The following DNM3 variants were observed in gnomAD, a reference collection of about 807,000 sequenced individuals.
DNM3 encodes the protein dynamin-3.
In DNM3, 47 loss-of-function variants were observed where a neutral mutation model predicts 101.6. That is an observed-to-expected ratio of 0.46 (90% CI 0.37 to 0.59). The LOEUF is 0.59. Among genes scored for constraint, DNM3 ranks in the 20% least tolerant of loss-of-function variants. The pLI is 0.00. For missense variants in DNM3, 849 were observed against 1,085.7 expected, an observed-to-expected ratio of 0.78 and a Z score of 3.06; for synonymous variants, 385 against 387.9, an observed-to-expected ratio of 0.99 and a Z score of 0.09.
At chr1:172,065,039 C>T (rs1163734202) in intron 10 of DNM3, among the ~76,000 whole-genome samples, 1 of 152,170 alleles carries the variant, frequency 6.6e-6, no homozygotes, top group Non-Finnish European at 1.5e-5. Context: ...CACGTGCACA[C>T]AAATCAATGC....
chr1:172,292,279 G>C (rs1208833206), intron 15 of DNM3, among the ~76,000 whole-genome samples: 2 of 152,156 alleles, frequency 1.3e-5, no homozygotes, highest in Non-Finnish European at 1.5e-5. Flanking sequence ...CAGAAAGGTT[G>C]CCTCAGGCAG....
intron 1 of DNM3, among the ~76,000 whole-genome samples, chr1:171,860,983 G>C (rs955504717): frequency 6.6e-6 from 1 of 152,074 alleles, no homozygotes; most frequent in Non-Finnish European, 1.5e-5. Flanking sequence ...AGAGCCTGGG[G>C]CACAGAGGAG....
chr1:171,968,378 A>G (rs537447244), intron 2 of DNM3, among the ~76,000 whole-genome samples: 2 of 152,328 alleles, frequency 1.3e-5, no homozygotes, highest in South Asian at 4.1e-4. Context: ...ATTTTACAAA[A>G]TAGAATGAGT....
chr1:172,411,518 T>C lies in DNM3; in HGVS notation c.*3677T>C, dbSNP rs1244340544. The stretch of plus-strand genomic sequence containing the variant: ...AAAGCCAAGTTGATATACATAGTCA[T>C]TTTTCCTCTATGGTAGAAGTAAAAA... On this transcript the variant is annotated 3_prime_UTR_variant, in exon 21 of 21. Transcript: ENST00000627582. 7.1e-6 allele frequency: 7 copies of C among 983,492 alleles called. No individual in the cohort carries two copies. Among genetic ancestry groups the C allele is most frequent in the South Asian group, 4.7e-5 (1 of 21,170 alleles). The allele number at this position is 983,492 out of a possible 1,614,324, so 60.9% of individuals were successfully genotyped here. A position where few individuals can be genotyped will look rare whatever the true frequency, so the allele number is the denominator to read the frequency against.
chr1:172,329,707 A>T (rs2066100804), intron 17 of DNM3, among the ~76,000 whole-genome samples: 1 of 152,186 alleles, frequency 6.6e-6, no homozygotes, highest in Admixed American at 6.5e-5. Flanking sequence ...ATGACAAAGG[A>T]TTAAATATTC....
chr1:172,262,167 T>C (rs1208168259), intron 15 of DNM3, among the ~76,000 whole-genome samples: 1 of 152,122 alleles, frequency 6.6e-6, no homozygotes, highest in Non-Finnish European at 1.5e-5. Flanking sequence ...GCTGGGAACA[T>C]GGGCTTCATT....
intron 15 of DNM3, among the ~76,000 whole-genome samples, chr1:172,285,434 G>A (rs2148800015): frequency 6.6e-6 from 1 of 152,224 alleles, no homozygotes; most frequent in Admixed American, 6.5e-5. Context: ...CTGAATGAAG[G>A]TGGCGGTGGT....
At chr1:172,274,844 C>G (rs2063220763) in intron 15 of DNM3, among the ~76,000 whole-genome samples, 1 of 151,476 alleles carries the variant, frequency 6.6e-6, no homozygotes, top group Admixed American at 6.6e-5. Flanking sequence ...AGCACTCAAA[C>G]TGGTCTAAAC....
chr1:172,265,079 T>G (rs959362268), intron 15 of DNM3, among the ~76,000 whole-genome samples: 31 of 152,196 alleles, frequency 2.0e-4, no homozygotes, highest in African/African-American at 6.5e-4. Context: ...AACTGACCAT[T>G]GCTCCTGCTA....
chr1:172,158,590 G>A (rs1484708380), intron 14 of DNM3, among the ~76,000 whole-genome samples: 1 of 151,880 alleles, frequency 6.6e-6, no homozygotes, highest in Non-Finnish European at 1.5e-5. Flanking sequence ...CTAGGCAGAG[G>A]ACTTTTGGTT....
At chr1:172,213,703 G>T (rs1297377169) in intron 14 of DNM3, among the ~76,000 whole-genome samples, 1 of 151,340 alleles carries the variant, frequency 6.6e-6, no homozygotes, top group Non-Finnish European at 1.5e-5. Context: ...GTGGCAGGTG[G>T]CTGTAATCCC....
chr1:172,109,972 C>T (rs2055341063), intron 13 of DNM3, among the ~76,000 whole-genome samples: 1 of 152,208 alleles, frequency 6.6e-6, no homozygotes, highest in African/African-American at 2.4e-5. Flanking sequence ...AAATTACAAA[C>T]AAGTCAAACA....
At chr1:172,236,612 A>G (rs2061555132) in intron 14 of DNM3, among the ~76,000 whole-genome samples, 2 of 151,934 alleles carry the variant, frequency 1.3e-5, no homozygotes, top group Non-Finnish European at 2.9e-5. Context: ...GAGGAAAAGG[A>G]AAGGAAAAGG....
intron 14 of DNM3, chr1:172,133,483 C>A (rs1189468676): frequency 1.1e-6 from 1 of 934,060 alleles, no homozygotes; most frequent in African/African-American, 1.8e-5. Context: ...GTGGAAATGA[C>A]CCTTGAAATA....
intron 15 of DNM3, among the ~76,000 whole-genome samples, chr1:172,298,863 G>A (rs1345513413): frequency 6.9e-5 from 10 of 145,266 alleles, no homozygotes; most frequent in Admixed American, 1.4e-4. Context: ...GAAAGAAAGA[G>A]AGAGAGAGAG....
chr1:172,018,543 T>C (rs867222326), intron 4 of DNM3, among the ~76,000 whole-genome samples: 3 of 152,316 alleles, frequency 2.0e-5, no homozygotes, highest in South Asian at 4.1e-4. Flanking sequence ...TCTTGACTTA[T>C]TATGGTGTGA....
In DNM3 at chr1:172,142,219, A is replaced by G. The variant is rs987166172; in HGVS notation, c.1659+10931A>G. 3 of 152,012 alleles carry G rather than the reference A, an allele frequency of 2.0e-5. No homozygotes were observed. The East Asian group carries it at 5.8e-4, about 29-fold the overall frequency. The allele number at this position is 152,012 out of a possible 1,614,324, so 9.4% of individuals were successfully genotyped here. A position where few individuals can be genotyped will look rare whatever the true frequency, so the allele number is the denominator to read the frequency against. On this transcript the variant is annotated intron_variant, in intron 14 of 20. Transcript: ENST00000627582. ...TGGAATAGATTCCATGATCCCTAAA[A>G]TATTTGTATATCTCCTTATAAAGTA...
chr1:172,209,018 G>A (rs1323701632), intron 14 of DNM3, among the ~76,000 whole-genome samples: 1 of 152,052 alleles, frequency 6.6e-6, no homozygotes, highest in Non-Finnish European at 1.5e-5. Flanking sequence ...AGTTGTGTGT[G>A]TCCCCCACCC....
intron 2 of DNM3, among the ~76,000 whole-genome samples, chr1:171,972,048 A>C (rs2044031648): frequency 6.6e-6 from 1 of 152,256 alleles, no homozygotes; most frequent in South Asian, 2.1e-4. Context: ...GAAAAACAGC[A>C]AATAGTAGTT....
Sources: gnomAD v4.1 joint callset for allele counts (sites outside exome capture counted in the v4.1 genomes callset) on GRCh38, gnomAD v4.1.1 for gene constraint, MANE v1.5 for transcripts, NCBI Gene and HGNC (gene_info 2026-07-23, HGNC 2026-07-21) for gene names.